Variants in GRIP1 observed in about 807,000 individuals in gnomAD.
The protein encoded by GRIP1 is glutamate receptor interacting protein 1.
A neutral mutation model predicts 129.9 loss-of-function variants in GRIP1; 45 were observed. The observed-to-expected ratio is 0.35, with a 90% CI of 0.27 to 0.44. GRIP1 has a LOEUF of 0.44. Ranked by LOEUF, GRIP1 falls within the 20% of genes least tolerant of loss-of-function variation. The pLI, the probability that GRIP1 is intolerant of heterozygous loss-of-function variation, is 1.00. For missense variants in GRIP1, 1,196 were observed against 1,396.8 expected (o/e 0.86, Z 2.29); for synonymous variants, 530 against 520.8 (o/e 1.02, Z -0.24).
At chr12:66,847,370 G>T (rs897204793) in intron 1 of GRIP1, among the ~76,000 whole-genome samples, 1 of 152,058 alleles carries the variant, frequency 6.6e-6, no homozygotes, top group Non-Finnish European at 1.5e-5. Context: ...ACAGACCTTA[G>T]GTCTTGTCTA....
chr12:66,529,551 T>A (rs747238349), intron 5 of GRIP1, among the ~76,000 whole-genome samples: 2 of 152,018 alleles, frequency 1.3e-5, no homozygotes, highest in African/African-American at 2.4e-5. Flanking sequence ...AAATCAAATA[T>A]CGTATGTTCT....
chr12:66,918,192 A>C (rs2041157795), intron 1 of GRIP1, among the ~76,000 whole-genome samples: 1 of 152,108 alleles, frequency 6.6e-6, no homozygotes, highest in African/African-American at 2.4e-5. Flanking sequence ...GGTATAGTTC[A>C]AGTTTAAAGG....
chr12:66,847,050 C>A (rs780940579), intron 1 of GRIP1, among the ~76,000 whole-genome samples: 1 of 152,102 alleles, frequency 6.6e-6, no homozygotes, highest in African/African-American at 2.4e-5. Flanking sequence ...AGGATGGAGG[C>A]GTGGAATTAA....
chr12:66,967,203 T>C (rs1054568043), intron 1 of GRIP1, among the ~76,000 whole-genome samples: 1 of 152,194 alleles, frequency 6.6e-6, no homozygotes, highest in Non-Finnish European at 1.5e-5. Context: ...AAATAATAAC[T>C]GTACACATTT....
At chr12:66,656,269 A>T (rs1474462525) in intron 1 of GRIP1, among the ~76,000 whole-genome samples, 1 of 152,204 alleles carries the variant, frequency 6.6e-6, no homozygotes, top group Non-Finnish European at 1.5e-5. Flanking sequence ...CAAAATTTGA[A>T]CTATAAGTGA....
chr12:66,740,176 T>C (rs1345254568), intron 1 of GRIP1, among the ~76,000 whole-genome samples: 2 of 152,188 alleles, frequency 1.3e-5, no homozygotes, highest in Non-Finnish European at 2.9e-5. Context: ...GCCATGTCTG[T>C]TAGATCACTG....
intron 7 of GRIP1, among the ~76,000 whole-genome samples, chr12:66,472,332 G>A (rs1007905211): frequency 2.6e-5 from 4 of 152,128 alleles, no homozygotes; most frequent in African/African-American, 4.8e-5. Flanking sequence ...AACCCCTTGG[G>A]ATCCCATGCC....
intron 7 of GRIP1, among the ~76,000 whole-genome samples, chr12:66,485,574 G>T (rs943508831): frequency 6.6e-6 from 1 of 151,754 alleles, no homozygotes; most frequent in Admixed American, 6.6e-5. Flanking sequence ...ATAAAGAGAA[G>T]TTCTACATTA....
intron 1 of GRIP1, among the ~76,000 whole-genome samples, chr12:67,032,760 T>A (rs1166715565): frequency 6.6e-6 from 1 of 151,990 alleles, no homozygotes; most frequent in Admixed American, 6.6e-5. Flanking sequence ...AAAGCACAGA[T>A]CTCAATCAGA....
chr12:66,617,871 A>T (rs1489842587), intron 1 of GRIP1, among the ~76,000 whole-genome samples: 2 of 148,922 alleles, frequency 1.3e-5, no homozygotes, highest in Non-Finnish European at 3.0e-5. Flanking sequence ...TGATCAACAT[A>T]CATGCTTTTC....
intron 15 of GRIP1, among the ~76,000 whole-genome samples, chr12:66,420,288 G>C (rs574617499): frequency 1.2e-4 from 18 of 152,126 alleles, no homozygotes; most frequent in African/African-American, 4.3e-4. Flanking sequence ...GGGCCAAATA[G>C]GTGACATGAA....
chr12:66,490,105 C>T (rs1037644060), intron 7 of GRIP1, among the ~76,000 whole-genome samples: 2 of 152,040 alleles, frequency 1.3e-5, no homozygotes, highest in Admixed American at 1.3e-4. Context: ...CCATCGACAT[C>T]CTTCACAGAA....
chr12:66,600,386 G>T lies in GRIP1; in HGVS notation c.56-3459C>A, dbSNP rs1192541476. 3.9e-5 allele frequency among the ~76,000 whole-genome samples: 6 copies of T among 152,308 alleles called. 1 individual carries two copies. On this transcript the variant is annotated intron_variant, in intron 1 of 24. Transcript: ENST00000359742. ...AAAAAAAGGTCAAATGACAAGGAAA[G>T]AAATCAATCAGAACCATCCCTAGCA... is the stretch of plus-strand genomic sequence containing the variant.
intron 1 of GRIP1, among the ~76,000 whole-genome samples, chr12:67,067,028 C>G (rs1259184030): frequency 6.6e-6 from 1 of 151,110 alleles, no homozygotes; most frequent in Admixed American, 6.6e-5. Context: ...ATGCTACAAC[C>G]AAACAAAAAT....
At chr12:66,517,824 A>T in intron 6 of GRIP1, 77 bp downstream of exon 6, 1 of 804,152 alleles carries the variant, frequency 1.2e-6, no homozygotes, top group South Asian at 1.4e-5. Context: ...AAAATTTCTA[A>T]TTTATCAACT....
chr12:66,678,388 C>G (rs1377378463), intron 1 of GRIP1, among the ~76,000 whole-genome samples: 2 of 152,100 alleles, frequency 1.3e-5, no homozygotes, highest in Non-Finnish European at 2.9e-5. Flanking sequence ...GGAAAAAGCT[C>G]TTAAGATGTT....
chr12:66,954,604 C>T (rs1167366925), intron 1 of GRIP1, among the ~76,000 whole-genome samples: 3 of 152,078 alleles, frequency 2.0e-5, no homozygotes, highest in South Asian at 2.1e-4. Context: ...CCCAAAAGTG[C>T]CTAAAGAATA....
intron 1 of GRIP1, among the ~76,000 whole-genome samples, chr12:66,979,610 C>A (rs558874643): frequency 1.3e-5 from 2 of 152,076 alleles, no homozygotes; most frequent in Non-Finnish European, 2.9e-5. Flanking sequence ...TAAGTTGTAA[C>A]CCCCAGAAAG....
At chr12:66,645,435 A>C (rs2032285500) in intron 1 of GRIP1, among the ~76,000 whole-genome samples, 1 of 152,214 alleles carries the variant, frequency 6.6e-6, no homozygotes, top group African/African-American at 2.4e-5. Context: ...TCCCATAATA[A>C]CCATGTGGAG....
Sources: allele counts gnomAD v4.1 joint callset (sites outside exome capture counted in the v4.1 genomes callset), GRCh38; gene constraint gnomAD v4.1.1; transcripts MANE v1.5; gene names NCBI Gene and HGNC (gene_info 2026-07-23, HGNC 2026-07-21).